Variants in EIPR1 observed in about 807,000 individuals in gnomAD.
EIPR1 encodes EARP and GARP complex-interacting protein 1.
A neutral mutation model predicts 48.1 loss-of-function variants in EIPR1; 25 were observed. The ratio of observed to expected loss-of-function variants is 0.52; its 90% CI spans 0.38 to 0.73. The LOEUF (loss-of-function observed/expected upper bound fraction) is 0.73. Ranked by LOEUF, EIPR1 falls within the 30% of genes least tolerant of loss-of-function variation. The pLI, the probability that EIPR1 is intolerant of heterozygous loss-of-function variation, is 0.00. For synonymous variants in EIPR1, 204 were observed against 201.9 expected (o/e 1.01, Z -0.09); for missense variants, 415 against 506.2 (o/e 0.82, Z 1.73).
chr2:3,227,736 G>C (rs1179716586), intron 4 of EIPR1, among the ~76,000 whole-genome samples: 1 of 152,236 alleles, frequency 6.6e-6, no homozygotes, highest in Non-Finnish European at 1.5e-5. Flanking sequence ...CGGCCCCCCT[G>C]CTCTGTGCAG....
At chr2:3,344,844 T>C (rs1670354446) in intron 2 of EIPR1, among the ~76,000 whole-genome samples, 1 of 152,022 alleles carries the variant, frequency 6.6e-6, no homozygotes, top group South Asian at 2.1e-4. Context: ...GGTTTCATCA[T>C]ATTGGCCAGG....
At chr2:3,337,519 C>T (rs191460614) in intron 3 of EIPR1, among the ~76,000 whole-genome samples, 11 of 152,256 alleles carry the variant, frequency 7.2e-5, no homozygotes, top group African/African-American at 1.9e-4. Context: ...GCAACTCAGA[C>T]ATCTGCATTG....
At chr2:3,241,349 G>A (rs766004795) in intron 4 of EIPR1, among the ~76,000 whole-genome samples, 43 of 152,192 alleles carry the variant, frequency 2.8e-4, no homozygotes, top group Non-Finnish European at 5.4e-4. Context: ...ATTTATCCAT[G>A]GGTGATACAT....
chr2:3,295,351 C>T (rs1228781693), intron 3 of EIPR1, among the ~76,000 whole-genome samples: 1 of 135,414 alleles, frequency 7.4e-6, no homozygotes, highest in African/African-American at 2.8e-5. Context: ...CACCTTCCAT[C>T]CAGCCCATCC....
At chr2:3,195,831 C>T (rs375377945) in intron 6 of EIPR1, among the ~76,000 whole-genome samples, 6 of 152,194 alleles carry the variant, frequency 3.9e-5, no homozygotes, top group African/African-American at 1.4e-4. Flanking sequence ...TGCGCTGGCA[C>T]GTCCTCACCA....
At chr2:3,297,880 G>A (rs531832789) in intron 3 of EIPR1, among the ~76,000 whole-genome samples, 1 of 152,294 alleles carries the variant, frequency 6.6e-6, no homozygotes, top group East Asian at 1.9e-4. Flanking sequence ...GGAGTGCAGT[G>A]GCTCCATCTC....
intron 1 of EIPR1, among the ~76,000 whole-genome samples, chr2:3,376,434 T>A (rs908582785): frequency 1.3e-5 from 2 of 152,190 alleles, no homozygotes; most frequent in Admixed American, 1.3e-4. Flanking sequence ...GGCTCACGCC[T>A]GTAATCCCAA....
At chr2:3,282,689 C>CCGGCGCCTG (rs1668050533) in intron 3 of EIPR1, 1 of 152,276 alleles carries the variant, frequency 6.6e-6, no homozygotes, top group Non-Finnish European at 1.5e-5. Context: ...TGTGCGCTCC[C>CCGGCGCCTG]GAGTCTGCAC....
intron 4 of EIPR1, among the ~76,000 whole-genome samples, chr2:3,246,188 G>C (rs958506525): frequency 6.6e-6 from 1 of 152,200 alleles, no homozygotes; most frequent in Non-Finnish European, 1.5e-5. Context: ...TAGGGTCTCT[G>C]AGACTTTCGA....
intron 3 of EIPR1, among the ~76,000 whole-genome samples, chr2:3,269,725 A>G (rs964501729): frequency 6.7e-5 from 10 of 149,802 alleles, no homozygotes; most frequent in Non-Finnish European, 1.2e-4. Flanking sequence ...CTCAATCATC[A>G]CACTCAATCA....
intron 3 of EIPR1, among the ~76,000 whole-genome samples, chr2:3,322,315 G>A (rs564415234): frequency 6.6e-6 from 1 of 152,328 alleles, no homozygotes; most frequent in Non-Finnish European, 1.5e-5. Flanking sequence ...CCTGGAGTTT[G>A]GGACTGAGTC....
At chr2:3,330,742 CGTGT>C (rs1260405536) in intron 3 of EIPR1, among the ~76,000 whole-genome samples, 1 of 147,484 alleles carries the variant, frequency 6.8e-6, no homozygotes, top group African/African-American at 2.6e-5. Context: ...GAGGTAGGCA[CGTGT>C]ACACTCGTGA....
chr2:3,220,800 G>A (rs192554780), intron 4 of EIPR1, among the ~76,000 whole-genome samples: 4 of 148,744 alleles, frequency 2.7e-5, no homozygotes, highest in East Asian at 2.1e-4. Flanking sequence ...CGGAACACAC[G>A]CACACAATGG....
chr2:3,264,868 G>C (rs1339401893), intron 3 of EIPR1, among the ~76,000 whole-genome samples: 1 of 152,066 alleles, frequency 6.6e-6, no homozygotes, highest in Non-Finnish European at 1.5e-5. Flanking sequence ...TGTATTTTTA[G>C]TAGAGACGGG....
At chr2:3,275,904 G>A (rs964640634) in intron 3 of EIPR1, among the ~76,000 whole-genome samples, 12 of 152,214 alleles carry the variant, frequency 7.9e-5, no homozygotes, top group African/African-American at 2.9e-4. Flanking sequence ...CATGACAGCT[G>A]AGTAACTTGC....
intron 3 of EIPR1, among the ~76,000 whole-genome samples, chr2:3,264,761 C>G (rs1010817013): frequency 6.6e-5 from 10 of 152,224 alleles, no homozygotes; most frequent in Non-Finnish European, 7.3e-5. Flanking sequence ...CATCTCGGCT[C>G]ACTGCAACCT....
chr2:3,212,467 G>A (rs1665489469), intron 5 of EIPR1, among the ~76,000 whole-genome samples: 1 of 151,398 alleles, frequency 6.6e-6, no homozygotes, highest in Non-Finnish European at 1.5e-5. Context: ...CTGCCCAAGT[G>A]TCTATACCGG....
At chr2:3,277,998 C>T (rs1667908535) in intron 3 of EIPR1, among the ~76,000 whole-genome samples, 1 of 152,198 alleles carries the variant, frequency 6.6e-6, no homozygotes, top group South Asian at 2.1e-4. Flanking sequence ...ATTTCAGGGC[C>T]CCAGCCCACC....
chr2:3,214,391 C>G, intron 4 of EIPR1, 143 bp from the exon 5 acceptor site: 1 of 665,132 alleles, frequency 1.5e-6, no homozygotes, highest in Non-Finnish European at 2.5e-6. Flanking sequence ...CACTGTCACC[C>G]GGCAATGCCT....
Sources: allele counts gnomAD v4.1 joint callset (sites outside exome capture counted in the v4.1 genomes callset), GRCh38; gene constraint gnomAD v4.1.1; transcripts MANE v1.5; gene names NCBI Gene and HGNC (gene_info 2026-07-23, HGNC 2026-07-21).